Variants in DOCK3 observed in about 807,000 individuals in gnomAD.
DOCK3 encodes the protein dedicator of cytokinesis 3.
In DOCK3, 60 loss-of-function variants were observed where a neutral mutation model predicts 265.6. That is an observed-to-expected ratio of 0.23 (90% CI 0.18 to 0.28). The LOEUF (loss-of-function observed/expected upper bound fraction) is 0.28. DOCK3 is among the 10% of genes least tolerant of loss of function. The pLI is 1.00. For missense variants in DOCK3, 1,981 were observed against 2,594.3 expected (o/e 0.76, Z 5.14); for synonymous variants, 881 against 938.0 (o/e 0.94, Z 1.11).
intron 2 of DOCK3, among the ~76,000 whole-genome samples, chr3:50,779,437 G>A (rs1011477255): frequency 1.3e-5 from 2 of 151,908 alleles, no homozygotes; most frequent in Admixed American, 6.6e-5. Flanking sequence ...AGGCTGGAGC[G>A]CAATGGTGCG....
At chr3:51,357,241 C>A in intron 44 of DOCK3, 100 bp downstream of exon 44, 1 of 1,297,944 alleles carries the variant, frequency 7.7e-7, no homozygotes, top group Non-Finnish European at 1.1e-6. Flanking sequence ...AGGTAGCCTT[C>A]CCTACATGCC....
intron 1 of DOCK3, among the ~76,000 whole-genome samples, chr3:50,752,514 A>C (rs1274413238): frequency 2.5e-5 from 1 of 40,558 alleles, no homozygotes; most frequent in Non-Finnish European, 6.6e-5. Context: ...TCTCAAAAAA[A>C]AAAAAAAAAC....
At chr3:50,946,370 A>G (rs2076428095) in intron 5 of DOCK3, among the ~76,000 whole-genome samples, 2 of 152,218 alleles carry the variant, frequency 1.3e-5, no homozygotes, top group Non-Finnish European at 2.9e-5. Context: ...ACATAACAAG[A>G]TATGATAGTT....
intron 7 of DOCK3, among the ~76,000 whole-genome samples, chr3:51,077,587 T>C (rs1274378282): frequency 2.0e-5 from 3 of 152,206 alleles, no homozygotes; most frequent in Admixed American, 6.5e-5. Context: ...GTAGATAGAT[T>C]AAATTGCCAT....
chr3:51,322,490 A>G (rs2083800005), intron 32 of DOCK3, among the ~76,000 whole-genome samples: 1 of 152,176 alleles, frequency 6.6e-6, no homozygotes, highest in Non-Finnish European at 1.5e-5. Context: ...GGCATGAGCC[A>G]CCACGACCAG....
chr3:50,957,982 A>G (rs2076774544), intron 5 of DOCK3, among the ~76,000 whole-genome samples: 1 of 151,748 alleles, frequency 6.6e-6, no homozygotes, highest in African/African-American at 2.4e-5. Context: ...TTGGCTTCTT[A>G]AGTTGGTTTC....
intron 3 of DOCK3, among the ~76,000 whole-genome samples, chr3:50,843,135 T>C (rs765194301): frequency 3.3e-5 from 5 of 152,214 alleles, no homozygotes; most frequent in Non-Finnish European, 7.3e-5. Flanking sequence ...TATATCTTCC[T>C]ACACAATGAA....
At chr3:51,203,216 G>C (rs1467700096) in intron 12 of DOCK3, among the ~76,000 whole-genome samples, 2 of 152,210 alleles carry the variant, frequency 1.3e-5, no homozygotes, top group East Asian at 3.9e-4. Flanking sequence ...TAGGAAAAGA[G>C]GAAGTCAAAT....
In DOCK3 at chr3:50,698,517, G is replaced by GTTTTTTTTTTTTT; in HGVS notation, c.37+23230_37+23242dup. On this transcript the variant is annotated intron_variant, in intron 1 of 52. Coordinates refer to ENST00000266037, the MANE Select transcript of DOCK3 (RefSeq NM_004947.5). ...GTTTCTCTGTGGATGTATGTTTTTG[G>GTTTTTTTTTTTTT]TTTTTTTTTTTTTTTTTTTTTTTTT... Among the ~76,000 whole-genome samples the GTTTTTTTTTTTTT allele has an allele frequency of 1.7e-3, 34 of 19,510 alleles. 5 individuals carry two copies. Among genetic ancestry groups the GTTTTTTTTTTTTT allele is most frequent in the South Asian group, 4.1e-3 (1 of 246 alleles). 12.8% of individuals were successfully genotyped at this position (19,510 alleles called of 152,430 possible).
chr3:51,117,998 A>G (rs148999878), intron 9 of DOCK3, among the ~76,000 whole-genome samples: 2,395 of 152,234 alleles, frequency 0.016, 34 homozygotes, highest in Non-Finnish European at 0.026. Context: ...GTTTTCTGCT[A>G]GCTTTTGAAT....
intron 1 of DOCK3, among the ~76,000 whole-genome samples, chr3:50,764,888 A>C (rs945759932): frequency 1.3e-5 from 2 of 152,076 alleles, no homozygotes; most frequent in Non-Finnish European, 2.9e-5. Context: ...CATTATATAT[A>C]GTTAACAATG....
intron 49 of DOCK3, among the ~76,000 whole-genome samples, chr3:51,365,324 G>T (rs2110405815): frequency 6.6e-6 from 1 of 152,270 alleles, no homozygotes; most frequent in East Asian, 1.9e-4. Context: ...TGTGATTTTT[G>T]CACATTGATT....
chr3:51,026,930 C>T (rs1025117137), intron 5 of DOCK3, among the ~76,000 whole-genome samples: 1 of 151,224 alleles, frequency 6.6e-6, no homozygotes, highest in East Asian at 1.9e-4. Flanking sequence ...CTTTTTGATC[C>T]TTTGTATGGT....
At chr3:50,723,135 C>T (rs2037580184) in intron 1 of DOCK3, among the ~76,000 whole-genome samples, 1 of 152,012 alleles carries the variant, frequency 6.6e-6, no homozygotes, top group Admixed American at 6.5e-5. Flanking sequence ...ATTTTTAGAA[C>T]CAGAAAGTAG....
chr3:51,206,942 C>T (rs1478445721), intron 12 of DOCK3, among the ~76,000 whole-genome samples: 2 of 152,166 alleles, frequency 1.3e-5, no homozygotes, highest in East Asian at 1.9e-4. Context: ...CTGAGTTCCT[C>T]TCAGTGAGAG....
At chr3:50,745,794 C>T (rs569110254) in intron 1 of DOCK3, among the ~76,000 whole-genome samples, 19 of 152,208 alleles carry the variant, frequency 1.2e-4, no homozygotes, top group Non-Finnish European at 2.6e-4. Flanking sequence ...CTTCCCTAAT[C>T]AGATCGTTCA....
At chr3:50,934,696 A>G (rs564385395) in intron 5 of DOCK3, among the ~76,000 whole-genome samples, 16 of 152,214 alleles carry the variant, frequency 1.1e-4, no homozygotes, top group African/African-American at 3.6e-4. Flanking sequence ...GTGTGCCTGT[A>G]GTCCTAGCTA....
intron 2 of DOCK3, among the ~76,000 whole-genome samples, chr3:50,806,636 G>A (rs1325023115): frequency 6.6e-6 from 1 of 151,972 alleles, no homozygotes; most frequent in South Asian, 2.1e-4. Flanking sequence ...TGCTGTGCAG[G>A]ACTGGAGTCA....
chr3:51,188,636 C>T (rs144898011), intron 12 of DOCK3, among the ~76,000 whole-genome samples: 4 of 152,340 alleles, frequency 2.6e-5, no homozygotes, highest in East Asian at 1.9e-4. Context: ...CCATTCACTA[C>T]ATGCATGTGA....
Sources: allele counts gnomAD v4.1 joint callset (sites outside exome capture counted in the v4.1 genomes callset), GRCh38; gene constraint gnomAD v4.1.1; transcripts MANE v1.5; gene names NCBI Gene and HGNC (gene_info 2026-07-23, HGNC 2026-07-21).